ARK2C: variants seen among roughly 807,000 people sequenced by gnomAD.
The protein encoded by ARK2C is E3 ubiquitin-protein ligase ARK2C.
At chr18:46,420,954 G>A in the ARK2C span, among the ~76,000 whole-genome samples, 1 of 152,182 alleles carries the variant, frequency 6.6e-6, no homozygotes, top group Non-Finnish European at 1.5e-5. Flanking sequence ...CTGAACTCAT[G>A]ACCTAAGACG....
the ARK2C span, among the ~76,000 whole-genome samples, chr18:46,449,095 C>T: frequency 6.6e-6 from 1 of 152,142 alleles, no homozygotes; most frequent in Non-Finnish European, 1.5e-5. Context: ...TGTAAATTAT[C>T]CCATTAATCC....
chr18:46,403,739 G>A, the ARK2C span, among the ~76,000 whole-genome samples: 569 of 152,236 alleles, frequency 3.7e-3, 1 homozygote, highest in Admixed American at 6.5e-3. Flanking sequence ...TTAGCCAGGC[G>A]TGGTGGCGGT....
chr18:46,383,793 CGCCCACCTTG>C, the ARK2C span, among the ~76,000 whole-genome samples: 1 of 152,042 alleles, frequency 6.6e-6, no homozygotes. Flanking sequence ...CCTCGTGATC[CGCCCACCTTG>C]GCCTCCCAAA....
At chr18:46,375,370 T>A in the ARK2C span, among the ~76,000 whole-genome samples, 6 of 151,942 alleles carry the variant, frequency 3.9e-5, no homozygotes, top group East Asian at 1.2e-3. Context: ...CTGGGCAACA[T>A]GGGCAAAACC....
At chr18:46,334,322 T>C in the ARK2C span, 55 of 1,585,762 alleles carry the variant, frequency 3.5e-5, no homozygotes, top group Non-Finnish European at 4.4e-5. The surrounding 1 kb of genome is among the most constrained non-coding windows in gnomAD (Gnocchi z 4.4). Flanking sequence ...TGTTTGGCTC[T>C]GTGCGAAACA....
chr18:46,458,873 T>C, the ARK2C span: 4 of 152,186 alleles, frequency 2.6e-5, no homozygotes, highest in African/African-American at 9.7e-5. Context: ...TTAGCAGCAA[T>C]GAGTATCACA....
At chr18:46,391,632 G>T in the ARK2C span, among the ~76,000 whole-genome samples, 1 of 151,814 alleles carries the variant, frequency 6.6e-6, no homozygotes, top group Admixed American at 6.6e-5. Context: ...GAGCTGTTCT[G>T]CTTGGTTTGG....
At chr18:46,409,758 G>C in the ARK2C span, among the ~76,000 whole-genome samples, 3 of 152,184 alleles carry the variant, frequency 2.0e-5, no homozygotes, top group African/African-American at 7.2e-5. Flanking sequence ...GGGCCCTTCA[G>C]GCGTCTTGCT....
At chr18:46,344,661 CAG>C in the ARK2C span, among the ~76,000 whole-genome samples, 1 of 152,122 alleles carries the variant, frequency 6.6e-6, no homozygotes, top group Admixed American at 6.5e-5. Context: ...GGCATGGACT[CAG>C]GGGAAGGGAC....
At chr18:46,366,141 A>G in the ARK2C span, among the ~76,000 whole-genome samples, 2 of 151,706 alleles carry the variant, frequency 1.3e-5, no homozygotes, top group South Asian at 4.2e-4. Context: ...AAAAATACAA[A>G]ATTAGCCGGG....
At chr18:46,334,167 G>T in the ARK2C span, 3 of 589,890 alleles carry the variant, frequency 5.1e-6, no homozygotes, top group Non-Finnish European at 6.4e-6. The surrounding 1 kb of genome is among the most constrained non-coding windows in gnomAD (Gnocchi z 4.4). Context: ...TCCGCCTCCC[G>T]CCCCGGCGGC....
At chr18:46,356,492 G>A in the ARK2C span, among the ~76,000 whole-genome samples, 49 of 152,230 alleles carry the variant, frequency 3.2e-4, 1 homozygote, top group Non-Finnish European at 5.7e-4. Flanking sequence ...TGAGCCTGAG[G>A]GCAGAGAGAG....
At chr18:46,413,217 G>A in the ARK2C span, among the ~76,000 whole-genome samples, 3 of 152,082 alleles carry the variant, frequency 2.0e-5, no homozygotes, top group Admixed American at 6.5e-5. Flanking sequence ...AGCCTGCCCC[G>A]ACCCGTTCCA....
the ARK2C span, among the ~76,000 whole-genome samples, chr18:46,378,864 C>T: frequency 6.6e-6 from 1 of 152,172 alleles, no homozygotes; most frequent in African/African-American, 2.4e-5. Context: ...GGTGCCCCTC[C>T]TATGAAGCAC....
chr18:46,433,581 C>A, the ARK2C span: 3 of 1,305,566 alleles, frequency 2.3e-6, no homozygotes, highest in Non-Finnish European at 3.1e-6. Context: ...GTGGGCAGGG[C>A]CAGGACGAGG....
the ARK2C span, among the ~76,000 whole-genome samples, chr18:46,378,803 G>A: frequency 1.3e-5 from 2 of 152,200 alleles, no homozygotes; most frequent in African/African-American, 4.8e-5. Context: ...GGAGAGGAGC[G>A]CTGCTATGGA....
the ARK2C span, among the ~76,000 whole-genome samples, chr18:46,373,764 A>G: frequency 6.6e-6 from 1 of 152,054 alleles, no homozygotes; most frequent in African/African-American, 2.4e-5. Context: ...TCTGAATCTT[A>G]CACGTGGGGA....
chr18:46,456,116 C>A, the ARK2C span: 1 of 1,289,180 alleles, frequency 7.8e-7, no homozygotes, highest in Non-Finnish European at 1.1e-6. Context: ...TCTCCCCTCT[C>A]TTATAGGTAT....
chr18:46,400,026 T>A, the ARK2C span, among the ~76,000 whole-genome samples: 1 of 152,168 alleles, frequency 6.6e-6, no homozygotes, highest in Non-Finnish European at 1.5e-5. Flanking sequence ...ATCTTCAGCC[T>A]CTGGGCCCCT....
Sources: gnomAD v4.1 joint callset for allele counts (sites outside exome capture counted in the v4.1 genomes callset) on GRCh38, gnomAD v4.1.1 for gene constraint, Gnocchi (gnomAD v3.1) non-coding constraint, MANE v1.5 for transcripts, NCBI Gene and HGNC (gene_info 2026-07-23, HGNC 2026-07-21) for gene names.